The following AOPEP variants were observed in gnomAD, a reference collection of about 807,000 sequenced individuals.
AOPEP encodes the protein aminopeptidase O (putative).
AOPEP carries 77 observed loss-of-function variants against 98.1 expected under a neutral mutation model. The ratio of observed to expected loss-of-function variants is 0.78; its 90% CI spans 0.65 to 0.95. The LOEUF (loss-of-function observed/expected upper bound fraction) is 0.95. AOPEP is among the 40% of genes least tolerant of loss of function. AOPEP has a pLI of 0.00. For missense variants in AOPEP, 1,024 were observed against 1,024.7 expected (o/e 1.00, Z 0.01); for synonymous variants, 346 against 365.3 (o/e 0.95, Z 0.60).
intron 5 of AOPEP, among the ~76,000 whole-genome samples, chr9:94,891,253 T>C (rs1190104082): frequency 1.3e-5 from 2 of 152,262 alleles, no homozygotes; most frequent in East Asian, 3.8e-4. Flanking sequence ...TCCTGCTTTT[T>C]TGGATTAATA....
intron 14 of AOPEP, among the ~76,000 whole-genome samples, chr9:95,073,887 C>T (rs2068767887): frequency 6.6e-6 from 1 of 152,142 alleles, no homozygotes; most frequent in Admixed American, 6.5e-5. Flanking sequence ...ATAAAAATAC[C>T]AGACTGCATT....
At chr9:94,966,609 G>A (rs947846041) in intron 9 of AOPEP, among the ~76,000 whole-genome samples, 4 of 152,112 alleles carry the variant, frequency 2.6e-5, no homozygotes, top group African/African-American at 9.7e-5. Flanking sequence ...TTCATGTTCT[G>A]TATTTATCCA....
chr9:95,112,952 G>A, the AOPEP span, among the ~76,000 whole-genome samples: 1 of 152,152 alleles, frequency 6.6e-6, no homozygotes, highest in East Asian at 1.9e-4. Flanking sequence ...GGAGAGGGTG[G>A]GTAGAGAGAA....
chr9:95,000,819 C>T (rs181740128), intron 11 of AOPEP, among the ~76,000 whole-genome samples: 31 of 152,268 alleles, frequency 2.0e-4, no homozygotes, highest in Admixed American at 2.0e-3. Context: ...TATTTCTAGA[C>T]GTGTGTAGAT....
At chr9:94,961,658 T>C (rs191009892) in intron 9 of AOPEP, among the ~76,000 whole-genome samples, 74 of 152,364 alleles carry the variant, frequency 4.9e-4, no homozygotes, top group Non-Finnish European at 9.7e-4. Context: ...TTTTGTCAAC[T>C]TATCTTTGAG....
chr9:94,850,545 A>T (rs1029845379), intron 5 of AOPEP, among the ~76,000 whole-genome samples: 2 of 152,196 alleles, frequency 1.3e-5, no homozygotes, highest in African/African-American at 2.4e-5. Context: ...GAGACAAAAA[A>T]ACTGAAGCCC....
At chr9:94,742,202 A>G (rs1448956183) in intron 1 of AOPEP, among the ~76,000 whole-genome samples, 1 of 152,196 alleles carries the variant, frequency 6.6e-6, no homozygotes, top group Non-Finnish European at 1.5e-5. Context: ...AGTAGAATTT[A>G]AAAGTTGATC....
chr9:94,873,738 C>G (rs541139652), intron 5 of AOPEP, among the ~76,000 whole-genome samples: 5 of 152,198 alleles, frequency 3.3e-5, no homozygotes, highest in Admixed American at 3.3e-4. Flanking sequence ...CAAAGAGTGA[C>G]CGAATGCTTA....
At chr9:94,999,783 GGTGTGTGTGTGTGTGTGCATGCATGT>G (rs2061445563) in intron 11 of AOPEP, among the ~76,000 whole-genome samples, 1 of 150,418 alleles carries the variant, frequency 6.6e-6, no homozygotes, top group South Asian at 2.1e-4. Context: ...TGACAATTGG[GGTGTGTGTGTGTGTGTGCATGCATGT>G]GTGTGTGCTG....
intron 11 of AOPEP, among the ~76,000 whole-genome samples, chr9:94,999,085 C>T (rs2061405253): frequency 6.6e-6 from 1 of 151,368 alleles, no homozygotes; most frequent in South Asian, 2.1e-4. Context: ...ATCTTAGAAC[C>T]ATAAGATTTT....
At chr9:94,819,231 G>C (rs373068189) in intron 5 of AOPEP, among the ~76,000 whole-genome samples, 39 of 152,262 alleles carry the variant, frequency 2.6e-4, no homozygotes, top group African/African-American at 9.4e-4. Context: ...TCTCTGATCT[G>C]TTCTCAGTAT....
At chr9:95,101,698 G>A in the AOPEP span, 12 of 1,613,542 alleles carry the variant, frequency 7.4e-6, no homozygotes, top group African/African-American at 1.6e-4. Context: ...CACACGGCCT[G>A]CGTGCCTTCT....
At chr9:95,016,148 C>A (rs185947369) in intron 13 of AOPEP, among the ~76,000 whole-genome samples, 1 of 151,360 alleles carries the variant, frequency 6.6e-6, no homozygotes, top group Non-Finnish European at 1.5e-5. Flanking sequence ...TTTTTCCCCC[C>A]ACGGTAAACC....
intron 16 of AOPEP, among the ~76,000 whole-genome samples, chr9:95,083,574 C>T (rs2070162810): frequency 6.7e-6 from 1 of 149,504 alleles, no homozygotes; most frequent in Non-Finnish European, 1.5e-5. Flanking sequence ...ACAGCGCATG[C>T]ACAACACAGA....
chr9:94,777,625 CTTTTTTT>C (rs34067261), intron 3 of AOPEP, among the ~76,000 whole-genome samples: 3 of 94,182 alleles, frequency 3.2e-5, no homozygotes, highest in East Asian at 3.3e-4. Flanking sequence ...ATTATATAAT[CTTTTTTT>C]TTTTTTTTTT....
At chr9:94,911,994 C>G (rs1319698822) in intron 5 of AOPEP, among the ~76,000 whole-genome samples, 1 of 152,208 alleles carries the variant, frequency 6.6e-6, no homozygotes, top group East Asian at 1.9e-4. Context: ...CCCTGTGCCC[C>G]TTCCAGTCAA....
At chr9:95,117,470 C>G in the AOPEP span, 6 of 1,220,204 alleles carry the variant, frequency 4.9e-6, no homozygotes, top group African/African-American at 8.9e-5. Flanking sequence ...TCTGAGTCCT[C>G]TGCCCAAAAA....
chr9:94,755,738 A>G (rs1448243439), intron 1 of AOPEP, among the ~76,000 whole-genome samples: 1 of 152,224 alleles, frequency 6.6e-6, no homozygotes, highest in Non-Finnish European at 1.5e-5. Flanking sequence ...CTGGGAGATG[A>G]GAATTCCAAG....
chr9:94,986,628 A>C (rs957300610), intron 11 of AOPEP, among the ~76,000 whole-genome samples: 2 of 152,146 alleles, frequency 1.3e-5, no homozygotes, highest in Non-Finnish European at 2.9e-5. Flanking sequence ...GGCATGCGAG[A>C]GAAATAAATG....
Sources: gnomAD v4.1 joint callset for allele counts (sites outside exome capture counted in the v4.1 genomes callset) on GRCh38, gnomAD v4.1.1 for gene constraint, MANE v1.5 for transcripts, NCBI Gene and HGNC (gene_info 2026-07-23, HGNC 2026-07-21) for gene names.